The following HECTD4 variants were observed in gnomAD, a reference collection of about 807,000 sequenced individuals.
HECTD4 encodes the protein HECT domain E3 ubiquitin protein ligase 4.
A neutral mutation model predicts 471.5 loss-of-function variants in HECTD4; 114 were observed. The observed-to-expected ratio is 0.24, with a 90% CI of 0.21 to 0.28. The LOEUF (loss-of-function observed/expected upper bound fraction) is 0.28. HECTD4 is among the 10% of genes least tolerant of loss of function. HECTD4 has a pLI of 1.00. For missense variants in HECTD4, 3,866 were observed against 5,651.5 expected, an observed-to-expected ratio of 0.68 and a Z score of 10.13; for synonymous variants, 2,012 against 2,256.0, an observed-to-expected ratio of 0.89 and a Z score of 3.07.
intron 60 of HECTD4, 44 bp downstream of exon 60, chr12:112,190,742 C>T (rs1200405043): frequency 1.3e-6 from 2 of 1,512,668 alleles, no homozygotes; most frequent in Non-Finnish European, 8.9e-7. Flanking sequence ...CATGCCAGCT[C>T]CACCCCCACC....
In HECTD4 at chr12:112,179,636, G is replaced by A. The variant is rs2031591157; in HGVS notation, c.10988-239C>T. Among the ~76,000 whole-genome samples the A allele has an allele frequency of 6.6e-6, 1 of 152,224 alleles. No homozygotes were observed. The highest frequency in any genetic ancestry group is 1.5e-5 in the Non-Finnish European group (1 of 68,038). On this transcript the variant is annotated intron_variant, in intron 62 of 75. Coordinates refer to ENST00000682272, the MANE Select transcript of HECTD4 (RefSeq NM_001388303.1). The surrounding 1 kb of genome is among the most constrained non-coding windows in gnomAD (Gnocchi z 4.3). ...CACTGTGGGATGTGAGCCACATGGG[G>A]ACCAGGCTGCTGTCCTCTGCACTTG...
chr12:112,352,348 T>C (rs923984102), intron 1 of HECTD4, among the ~76,000 whole-genome samples: 5 of 151,874 alleles, frequency 3.3e-5, no homozygotes, highest in Admixed American at 2.0e-4. Context: ...TTTTTTTTTT[T>C]TTTTGAGACA....
At position 112,283,190 on chromosome 12, in the gene HECTD4, C is replaced by T. The variant is rs1026370076; in HGVS notation, c.1448G>A (p.Arg483Gln). The T allele has an allele frequency of 1.9e-6, 3 of 1,613,638 alleles. No homozygotes were observed. The highest frequency in any genetic ancestry group is 1.6e-4 in the Middle Eastern group (1 of 6,084). Residue 483 changes from arginine (R) to glutamine (Q), a missense_variant, in exon 8 of 76, where the codon CGG becomes CAG. Transcript: ENST00000682272. ...CGTTGCTGACGGGGAGGCTCTATAC[C>T]GAGAAAGTCTACTTAGAAGCATCTC... ...INEMLLSRLS[R>Q]YRASPSATLA...
At position 112,218,082 on chromosome 12, in the gene HECTD4, C is replaced by T. The variant is rs145564514; in HGVS notation, c.7075-887G>A. On this transcript the variant is annotated intron_variant, in intron 45 of 75. Coordinates refer to ENST00000682272, the MANE Select transcript of HECTD4 (RefSeq NM_001388303.1). ...CTGAGGTAGGAGAATCAGTTGAACCCGGGAGGTGGAGGTTGCAGTGAGCTA... is the reference window on the plus strand; with the variant it reads ...CTGAGGTAGGAGAATCAGTTGAACCTGGGAGGTGGAGGTTGCAGTGAGCTA... Among the ~76,000 whole-genome samples the T allele has an allele frequency of 2.1e-4, 31 of 150,866 alleles. No individual in the cohort carries two copies. The East Asian group carries it at 6.0e-3, about 29-fold the overall frequency.
intron 38 of HECTD4, among the ~76,000 whole-genome samples, chr12:112,231,940 C>T (rs922124593): frequency 2.6e-5 from 4 of 152,144 alleles, no homozygotes; most frequent in Non-Finnish European, 4.4e-5. Flanking sequence ...TTCTGGCATA[C>T]GTATCACAGG....
chr12:112,228,331 A>G lies in HECTD4; in HGVS notation c.6685-73T>C. On this transcript the variant is annotated intron_variant, in intron 42 of 75. Coordinates refer to ENST00000682272, the MANE Select transcript of HECTD4 (RefSeq NM_001388303.1). The surrounding 1 kb of genome is among the most constrained non-coding windows in gnomAD (Gnocchi z 4.9). ...GTTTATAAGAAATGAGGGTGTTATT[A>G]TTATCTGGAGTTAATTCTTAAATTT... The G allele has an allele frequency of 1.5e-6, 2 of 1,367,796 alleles. No individual in the cohort carries two copies. The highest frequency in any genetic ancestry group is 1.9e-6 in the Non-Finnish European group (2 of 1,042,006). The allele number at this position is 1,367,796 out of a possible 1,614,324, so 84.7% of individuals were successfully genotyped here. A position where few individuals can be genotyped will look rare whatever the true frequency, so the allele number is the denominator to read the frequency against.
Position 112,247,064 on chromosome 12 carries a change from T to A in HECTD4, c.4350A>T (p.Leu1450=). ...NMVLSLREKF[L]QEVNSLIQKP... ...TCTGAATAAGAGAATTCACTTCTTG[T>A]AGGAACTTCTCCCTATAAAGAAAGA... The change falls in exon 29 of 76, where the codon CTA becomes CTT. Residue 1450 remains leucine (L), a synonymous_variant. Transcript: ENST00000682272. The A allele has an allele frequency of 6.2e-7, 1 of 1,604,700 alleles. No homozygotes were observed. Among genetic ancestry groups the A allele is most frequent in the South Asian group, 1.1e-5 (1 of 89,906 alleles).
chr12:112,228,554 C>T lies in HECTD4; in HGVS notation c.6684+93G>A. 1 of 1,106,756 alleles carries T rather than the reference C, an allele frequency of 9.0e-7. No homozygotes were observed. The highest frequency in any genetic ancestry group is 1.3e-6 in the Non-Finnish European group (1 of 783,418). 68.6% of individuals were successfully genotyped at this position (1,106,756 alleles called of 1,614,324 possible). A position where few individuals can be genotyped will look rare whatever the true frequency, so the allele number is the denominator to read the frequency against. On this transcript the variant is annotated intron_variant, in intron 42 of 75. Transcript: ENST00000682272. The surrounding 1 kb of genome is among the most constrained non-coding windows in gnomAD (Gnocchi z 4.9). ...ACAAGTACAATTTAAGATAATCAAG[C>T]ATTTGTGCTTCTGCACTGAGCATGT... is the stretch of plus-strand genomic sequence containing the variant.
At chr12:112,289,230 G>A (rs1259218128) in intron 7 of HECTD4, among the ~76,000 whole-genome samples, 6 of 151,904 alleles carry the variant, frequency 3.9e-5, no homozygotes, top group Admixed American at 3.3e-4. Flanking sequence ...CTACTTACTA[G>A]CTGAGACTAC....
intron 1 of HECTD4, among the ~76,000 whole-genome samples, chr12:112,376,005 G>A (rs916490501): frequency 1.3e-5 from 2 of 151,846 alleles, no homozygotes; most frequent in Admixed American, 6.6e-5. Context: ...GAACCTGAGA[G>A]GCAGAGGTTG....
chr12:112,162,453 AGAG>A lies in HECTD4; in HGVS notation c.13188_13190del (p.Ser4397del). On this transcript the variant is annotated inframe_deletion, in exon 76 of 76. Transcript: ENST00000682272. The surrounding 1 kb of genome is among the most constrained non-coding windows in gnomAD (Gnocchi z 5.2). ...GAAGTTTCTCCAGCATGATTTCCAG[AGAG>A]GAGTACTGGGGAAGCTTGATCATGA... The A allele has an allele frequency of 1.2e-6, 2 of 1,613,986 alleles. No individual in the cohort carries two copies. The highest frequency in any genetic ancestry group is 8.5e-7 in the Non-Finnish European group (1 of 1,179,870).
intron 1 of HECTD4, among the ~76,000 whole-genome samples, chr12:112,378,054 T>G (rs1594088508): frequency 6.6e-6 from 1 of 152,066 alleles, no homozygotes; most frequent in Admixed American, 6.6e-5. Context: ...AATCCAAAGG[T>G]AGAAAAGCTA....
intron 9 of HECTD4, among the ~76,000 whole-genome samples, chr12:112,277,544 A>G (rs2034551861): frequency 6.6e-6 from 1 of 152,194 alleles, no homozygotes; most frequent in African/African-American, 2.4e-5. Flanking sequence ...CCCATGGCTA[A>G]AGACTGAGAA....
At chr12:112,375,611 T>C (rs7959696) in intron 1 of HECTD4, among the ~76,000 whole-genome samples, 55,607 of 152,076 alleles carry the variant, frequency 0.37, 15,256 homozygotes, top group East Asian at 0.85. Context: ...TTTGGAATTC[T>C]CACAAGTAAG....
At chr12:112,358,514 T>C (rs2036387211) in intron 1 of HECTD4, among the ~76,000 whole-genome samples, 1 of 152,146 alleles carries the variant, frequency 6.6e-6, no homozygotes, top group Non-Finnish European at 1.5e-5. Context: ...AAAATATCCT[T>C]ACACATATTG....
At position 112,382,419 on chromosome 12, in the gene HECTD4, T is replaced by TG; in HGVS notation, c.-292dup. 3.6e-6 allele frequency: 1 copy of TG among 277,060 alleles called. No individual in the cohort carries two copies. The highest frequency in any genetic ancestry group is 8.2e-5 in the South Asian group (1 of 12,264). 17.2% of individuals were successfully genotyped at this position (277,060 alleles called of 1,614,324 possible). Reference sequence around the variant, plus strand: ...ACCAACTGTCAGTGAGACGCCATGTTGGGGGCGGGGCTCCCGGCATGCCTC... The same window carrying TG: ...ACCAACTGTCAGTGAGACGCCATGTTGGGGGGCGGGGCTCCCGGCATGCCTC... On this transcript the variant is annotated 5_prime_UTR_variant, in exon 1 of 76. Transcript: ENST00000682272.
At chr12:112,363,030 T>G (rs879670052) in intron 1 of HECTD4, among the ~76,000 whole-genome samples, 1 of 151,804 alleles carries the variant, frequency 6.6e-6, no homozygotes, top group Admixed American at 6.6e-5. Flanking sequence ...ATCTTCTAAA[T>G]TTTCAAAAAT....
At chr12:112,245,555 C>G (rs2033742720) in intron 29 of HECTD4, among the ~76,000 whole-genome samples, 1 of 152,124 alleles carries the variant, frequency 6.6e-6, no homozygotes, top group South Asian at 2.1e-4. Flanking sequence ...CAGGGAGAAC[C>G]TGTATTAGAG....
chr12:112,279,251 G>A lies in HECTD4; in HGVS notation c.1664C>T (p.Thr555Ile). 5 of 1,609,068 alleles carry A rather than the reference G, an allele frequency of 3.1e-6. No homozygotes were observed. Among genetic ancestry groups the A allele is most frequent in the Non-Finnish European group, 4.2e-6 (5 of 1,178,872 alleles). Residue 555 changes from threonine (T) to isoleucine (I), a missense_variant, in exon 9 of 76, where the codon ACA becomes ATA. Coordinates refer to ENST00000682272, the MANE Select transcript of HECTD4 (RefSeq NM_001388303.1). ...ACTTTTTAAAGATGACAAACCACTT[G>A]TTCCACCAAAAAGAGATCGGGTGGC... ...SSATRSLFGGTSGLSSLKILA... is the reference protein window; with the variant it reads ...SSATRSLFGGISGLSSLKILA...
Sources: allele counts gnomAD v4.1 joint callset (sites outside exome capture counted in the v4.1 genomes callset), GRCh38; gene constraint gnomAD v4.1.1; non-coding constraint Gnocchi (gnomAD v3.1); transcripts MANE v1.5; gene names NCBI Gene and HGNC (gene_info 2026-07-23, HGNC 2026-07-21).